TOR1AIP2: variants seen among roughly 807,000 people sequenced by gnomAD.
The protein encoded by TOR1AIP2 is torsin 1A interacting protein 2, also known as torsin-1A-interacting protein 2.
In TOR1AIP2, 20 loss-of-function variants were observed where a neutral mutation model predicts 32.6. The ratio of observed to expected loss-of-function variants is 0.61; its 90% CI spans 0.43 to 0.89. The LOEUF (loss-of-function observed/expected upper bound fraction) is 0.89, where lower values mean the gene tolerates loss of function less well. TOR1AIP2 is among the 40% of genes least tolerant of loss of function. TOR1AIP2 has a pLI of 0.00. For synonymous variants in TOR1AIP2, 214 were observed against 210.8 expected (o/e 1.02, Z -0.13); for missense variants, 456 against 553.8 (o/e 0.82, Z 1.77).
chr1:179,862,773 C>T (rs928051392), intron 3 of TOR1AIP2: 2 of 379,756 alleles, frequency 5.3e-6, no homozygotes, highest in African/African-American at 2.2e-5. Context: ...ACTAAAAACA[C>T]AAAAATTAGC....
chr1:179,855,550 T>C (rs191390912), intron 3 of TOR1AIP2, among the ~76,000 whole-genome samples: 96 of 152,294 alleles, frequency 6.3e-4, no homozygotes, highest in Non-Finnish European at 1.3e-3. Context: ...ATATCAAATG[T>C]TGATGAGGAT....
intron 5 of TOR1AIP2, among the ~76,000 whole-genome samples, chr1:179,849,263 T>A (rs1558010372): frequency 2.0e-5 from 3 of 152,096 alleles, no homozygotes; most frequent in Non-Finnish European, 2.9e-5. Flanking sequence ...TTTTTTTTTT[T>A]AAAGACAGGG....
chr1:179,850,488 T>A (rs1270809490), intron 5 of TOR1AIP2, among the ~76,000 whole-genome samples: 2 of 152,258 alleles, frequency 1.3e-5, no homozygotes, highest in South Asian at 2.1e-4. Context: ...GTAAAAGATT[T>A]TAAAAATTGT....
Position 179,854,641 on chromosome 1 carries a change from G to A in TOR1AIP2, c.-146-1830C>T, listed in dbSNP as rs144749923. On this transcript the variant is annotated intron_variant, in intron 3 of 6. Coordinates refer to ENST00000609928, the MANE Select transcript of TOR1AIP2 (RefSeq NM_001199260.2). ...TCCCTGCACTTTGGGAGGCTGAGGC[G>A]GGCAGATCACCCAAGGGTCAGGAGT... Among the ~76,000 whole-genome samples the A allele has an allele frequency of 5.2e-3, 796 of 152,126 alleles. 8 individuals are homozygous for A. Among genetic ancestry groups the A allele is most frequent in the South Asian group, 0.02 (97 of 4,822 alleles).
At chr1:179,873,604 T>C (rs1410795573) in intron 2 of TOR1AIP2, 1 of 152,222 alleles carries the variant, frequency 6.6e-6, no homozygotes, top group Non-Finnish European at 1.5e-5. Flanking sequence ...TGAGACTATG[T>C]AAATATTCTG....
At position 179,861,960 on chromosome 1, in the gene TOR1AIP2, A is replaced by C. The variant is rs933271762; in HGVS notation, c.-147+3476T>G. 3.2e-5 allele frequency: 31 copies of C among 982,576 alleles called. No homozygotes were observed. In the Admixed American group the frequency reaches 6.2e-4, roughly 20 times the overall value. The allele number at this position is 982,576 out of a possible 1,614,324, so 60.9% of individuals were successfully genotyped here. ...AGTGATCCTGCTGCCTCAACCTCTG[A>C]AGTAGCTGTGGTAACAGGTACATGC... On this transcript the variant is annotated intron_variant, in intron 3 of 6. Transcript: ENST00000609928.
intron 2 of TOR1AIP2, among the ~76,000 whole-genome samples, chr1:179,872,359 G>A (rs1697042608): frequency 6.6e-6 from 1 of 152,146 alleles, no homozygotes; most frequent in African/African-American, 2.4e-5. Context: ...AGTCAGATCT[G>A]GTGCCAAGCT....
Position 179,841,695 on chromosome 1 carries a change from A to T in TOR1AIP2, c.*4376T>A, listed in dbSNP as rs1251748757. ...TTCTGATTAAATAAATGATTACCCTAATCAGCTATTATTTATTATTTTCTA... is the reference window on the plus strand; with the variant it reads ...TTCTGATTAAATAAATGATTACCCTTATCAGCTATTATTTATTATTTTCTA... On this transcript the variant is annotated 3_prime_UTR_variant, in exon 7 of 7. Coordinates refer to ENST00000609928, the MANE Select transcript of TOR1AIP2 (RefSeq NM_001199260.2). 1 of 152,238 alleles carries T rather than the reference A, an allele frequency of 6.6e-6. No individual in the cohort carries two copies. Among genetic ancestry groups the T allele is most frequent in the Non-Finnish European group, 1.5e-5 (1 of 68,038 alleles). The allele number at this position is 152,238 out of a possible 1,614,324, so 9.4% of individuals were successfully genotyped here.
chr1:179,863,620 G>A (rs1172091217), intron 3 of TOR1AIP2: 2 of 981,758 alleles, frequency 2.0e-6, no homozygotes, highest in Non-Finnish European at 2.4e-6. Context: ...CTTGAGCCTA[G>A]GAGTTGGAGA....
Position 179,846,186 on chromosome 1 carries a change from G to T in TOR1AIP2, c.1298C>A (p.Thr433Asn). Reference protein sequence around the residue: ...WAKFTNSDTPTSFNHMDSDKL... With the variant: ...WAKFTNSDTPNSFNHMDSDKL... ...GTCTGAGTCCATGTGGTTGAAGGAG[G>T]TGGGAGTGTCAGAGTTGGTAAACTT... Residue 433 changes from threonine to asparagine, a missense_variant, in exon 7 of 7, where the codon ACC becomes AAC. By Grantham distance (65) the Thr-to-Asn change is moderately conservative (BLOSUM62 0). Coordinates refer to ENST00000609928, the MANE Select transcript of TOR1AIP2 (RefSeq NM_001199260.2). The T allele has an allele frequency of 6.2e-7, 1 of 1,614,210 alleles. No homozygotes were observed. The highest frequency in any genetic ancestry group is 8.5e-7 in the Non-Finnish European group (1 of 1,180,040).
chr1:179,846,249 CT>C lies in TOR1AIP2; in HGVS notation c.1234del (p.Arg412GlyfsTer7). 1 of 1,614,170 alleles carries C rather than the reference CT, an allele frequency of 6.2e-7. No homozygotes were observed. Among genetic ancestry groups the C allele is most frequent in the Non-Finnish European group, 8.5e-7 (1 of 1,180,048 alleles). On this transcript the variant is annotated frameshift_variant, in exon 7 of 7. Transcript: ENST00000609928. LOFTEE classifies it high-confidence loss of function. ...GTCTCTCACTTTTTCTTCCGTTTCC[CT>C]TGGGCCTACACTTGCTTCTAATGTT... ...EETLEASVGP[R>X]ETEEKVRDLL...
chr1:179,858,214 A>T (rs1696379199), intron 3 of TOR1AIP2, among the ~76,000 whole-genome samples: 1 of 152,200 alleles, frequency 6.6e-6, no homozygotes, highest in African/African-American at 2.4e-5. Context: ...TATATATTTG[A>T]TACTAATGAA....
At chr1:179,860,985 C>G in intron 3 of TOR1AIP2, 1 of 985,486 alleles carries the variant, frequency 1.0e-6, no homozygotes, top group South Asian at 4.7e-5. Flanking sequence ...AATCTTACCT[C>G]ACTCACTCAT....
intron 3 of TOR1AIP2, chr1:179,860,254 G>A (rs999986387): frequency 8.8e-5 from 84 of 958,444 alleles, no homozygotes; most frequent in Non-Finnish European, 1.0e-4. Flanking sequence ...AGGCCCAGGT[G>A]AGAGGATCGC....
intron 2 of TOR1AIP2, among the ~76,000 whole-genome samples, chr1:179,876,421 C>T (rs756906632): frequency 3.3e-5 from 5 of 152,208 alleles, no homozygotes; most frequent in Admixed American, 1.3e-4. Flanking sequence ...CGCAAGGTTG[C>T]GTAACAAACC....
chr1:179,860,485 A>T, intron 3 of TOR1AIP2: 1 of 985,412 alleles, frequency 1.0e-6, no homozygotes, highest in African/African-American at 1.7e-5. Flanking sequence ...CTGTCTCAAA[A>T]AAACAAAACA....
intron 3 of TOR1AIP2, chr1:179,859,710 C>T (rs1167426117): frequency 4.1e-6 from 4 of 985,314 alleles, no homozygotes; most frequent in Admixed American, 6.1e-5. Context: ...AATCTGCCTT[C>T]GGTCATCCAT....
At chr1:179,863,937 A>C (rs1258767103) in intron 3 of TOR1AIP2, 1 of 985,298 alleles carries the variant, frequency 1.0e-6, no homozygotes, top group Non-Finnish European at 1.2e-6. Context: ...AGTTCTAAGA[A>C]AGATGCTTCC....
chr1:179,858,066 G>A (rs1449934603), intron 3 of TOR1AIP2, among the ~76,000 whole-genome samples: 1 of 151,422 alleles, frequency 6.6e-6, no homozygotes, highest in Non-Finnish European at 1.5e-5. Flanking sequence ...TAAGGAGGAC[G>A]ATCCTTTGAG....
Sources: allele counts gnomAD v4.1 joint callset (sites outside exome capture counted in the v4.1 genomes callset), GRCh38; gene constraint gnomAD v4.1.1; transcripts MANE v1.5; gene names NCBI Gene and HGNC (gene_info 2026-07-23, HGNC 2026-07-21).